The following XKR4 variants were observed in gnomAD, a reference collection of about 807,000 sequenced individuals.
The protein encoded by XKR4 is XK-related protein 4.
Under a neutral mutation model 53.9 loss-of-function variants are expected in XKR4, and 12 were observed. The ratio of observed to expected loss-of-function variants is 0.22; its 90% CI spans 0.14 to 0.36. The LOEUF is 0.36. XKR4 is among the 10% of genes least tolerant of loss of function. The pLI is 1.00. For missense variants in XKR4, 799 were observed against 859.5 expected (o/e 0.93, Z 0.88); for synonymous variants, 354 against 362.4 (o/e 0.98, Z 0.26).
At chr8:55,350,332 C>G (rs540816516) in intron 1 of XKR4, among the ~76,000 whole-genome samples, 1 of 152,300 alleles carries the variant, frequency 6.6e-6, no homozygotes, top group South Asian at 2.1e-4. Flanking sequence ...GGCAGGACTT[C>G]CAGGCTGGTA....
intron 1 of XKR4, among the ~76,000 whole-genome samples, chr8:55,139,855 A>G (rs1049890376): frequency 1.3e-5 from 2 of 152,180 alleles, no homozygotes; most frequent in Admixed American, 1.3e-4. Context: ...CTTAGCTATT[A>G]TTTATCTCAT....
intron 1 of XKR4, among the ~76,000 whole-genome samples, chr8:55,147,452 C>A (rs1816785392): frequency 6.6e-6 from 1 of 152,186 alleles, no homozygotes; most frequent in African/African-American, 2.4e-5. Flanking sequence ...CTAATAACCT[C>A]TTTCAGTAAT....
chr8:55,314,494 G>A lies in XKR4; in HGVS notation c.807-43184G>A, dbSNP rs532168423. Reference sequence around the variant, plus strand: ...CCGACATTCAGCTCCCGGGGAAACCGCCGTGCTGAGACAAACACCTGTGAG... The same window carrying A: ...CCGACATTCAGCTCCCGGGGAAACCACCGTGCTGAGACAAACACCTGTGAG... On this transcript the variant is annotated intron_variant, in intron 1 of 2. Transcript: ENST00000327381. Among the ~76,000 whole-genome samples, 9 of 152,252 alleles carry A rather than the reference G, an allele frequency of 5.9e-5. No homozygotes were observed. The South Asian group carries it at 1.5e-3, about 25-fold the overall frequency.
At chr8:55,420,797 G>GATAAATAA (rs35390370) in intron 2 of XKR4, among the ~76,000 whole-genome samples, 57 of 148,888 alleles carry the variant, frequency 3.8e-4, no homozygotes, top group African/African-American at 1.4e-3. Flanking sequence ...ATAATAAATA[G>GATAAATAA]ATAAATAAAT....
At chr8:55,290,958 G>A (rs920042749) in intron 1 of XKR4, among the ~76,000 whole-genome samples, 3 of 152,030 alleles carry the variant, frequency 2.0e-5, no homozygotes, top group Non-Finnish European at 4.4e-5. Context: ...CTTTGCTCTA[G>A]ATCTCAAAGA....
At chr8:55,154,339 C>T (rs372485594) in intron 1 of XKR4, among the ~76,000 whole-genome samples, 14 of 152,274 alleles carry the variant, frequency 9.2e-5, no homozygotes, top group African/African-American at 3.1e-4. Flanking sequence ...GAAAAAGGCT[C>T]ACATCGTTCT....
intron 1 of XKR4, among the ~76,000 whole-genome samples, chr8:55,246,917 T>G (rs1244910385): frequency 6.6e-6 from 1 of 152,124 alleles, no homozygotes; most frequent in Non-Finnish European, 1.5e-5. Context: ...TCTGGATTTC[T>G]TCGAGGAAAA....
chr8:55,351,231 TA>T (rs1803719077), intron 1 of XKR4, among the ~76,000 whole-genome samples: 2 of 152,186 alleles, frequency 1.3e-5, no homozygotes, highest in Admixed American at 6.5e-5. Context: ...AAATAGCTTT[TA>T]TTTTTTTTTG....
At chr8:55,141,481 C>T (rs1428947343) in intron 1 of XKR4, among the ~76,000 whole-genome samples, 1 of 152,030 alleles carries the variant, frequency 6.6e-6, no homozygotes. Context: ...TTTAGGGTCA[C>T]ACGAGTCAGA....
chr8:55,450,368 G>A (rs780443911), intron 2 of XKR4: 3 of 664,298 alleles, frequency 4.5e-6, no homozygotes, highest in Non-Finnish European at 7.7e-6. Flanking sequence ...TAGGGCCGCA[G>A]GACCTCTGTG....
intron 1 of XKR4, among the ~76,000 whole-genome samples, chr8:55,172,162 G>A (rs1817168425): frequency 6.6e-6 from 1 of 151,124 alleles, no homozygotes; most frequent in Non-Finnish European, 1.5e-5. Flanking sequence ...TGGCTGCAGT[G>A]AGCCAAGATC....
chr8:55,497,995 G>T (rs1039353712), intron 2 of XKR4, among the ~76,000 whole-genome samples: 3 of 152,202 alleles, frequency 2.0e-5, no homozygotes, highest in African/African-American at 7.2e-5. Context: ...CCCACTCCAG[G>T]CTGGCCCCGA....
At chr8:55,253,817 T>C (rs1373005047) in intron 1 of XKR4, among the ~76,000 whole-genome samples, 1 of 147,394 alleles carries the variant, frequency 6.8e-6, no homozygotes, top group Non-Finnish European at 1.5e-5. Context: ...TACTGCAGCC[T>C]CCACCTCCCA....
At chr8:55,395,713 T>C (rs1804507445) in intron 2 of XKR4, among the ~76,000 whole-genome samples, 1 of 151,858 alleles carries the variant, frequency 6.6e-6, no homozygotes, top group Non-Finnish European at 1.5e-5. Flanking sequence ...TTTAGGTAGA[T>C]GGGGCCCATC....
intron 2 of XKR4, among the ~76,000 whole-genome samples, chr8:55,467,212 G>A (rs2975967): frequency 0.27 from 40,518 of 152,000 alleles, 5,973 homozygotes; most frequent in Non-Finnish European, 0.34. Context: ...ATAGGAAAAT[G>A]TGTGTCTCCA....
At chr8:55,128,748 G>T (rs181112634) in intron 1 of XKR4, among the ~76,000 whole-genome samples, 1 of 152,314 alleles carries the variant, frequency 6.6e-6, no homozygotes. Context: ...CAAACAGACA[G>T]ATTCTTGTTT....
At chr8:55,440,859 A>G (rs557690113) in intron 2 of XKR4, among the ~76,000 whole-genome samples, 7 of 152,214 alleles carry the variant, frequency 4.6e-5, no homozygotes, top group African/African-American at 1.4e-4. Flanking sequence ...AAAAGGTAAA[A>G]ATATGATTAA....
rs540466074 is a variant in XKR4, at chr8:55,283,311, G to C, written c.807-74367G>C. 2.0e-5 allele frequency among the ~76,000 whole-genome samples: 3 copies of C among 152,276 alleles called. No homozygotes were observed. The South Asian group carries it at 6.2e-4, about 32-fold the overall frequency. The stretch of plus-strand genomic sequence containing the variant: ...TGGATGACTTGAAGAAGTAGCTATG[G>C]AATAGTGGACATAGACTGAGAAGGC... On this transcript the variant is annotated intron_variant, in intron 1 of 2. Transcript: ENST00000327381.
At chr8:55,109,887 A>G (rs190049337) in intron 1 of XKR4, among the ~76,000 whole-genome samples, 10 of 152,286 alleles carry the variant, frequency 6.6e-5, no homozygotes, top group Admixed American at 4.6e-4. Flanking sequence ...CCAAGCACAC[A>G]ACTTGCTAGT....
Sources: gnomAD v4.1 joint callset for allele counts (sites outside exome capture counted in the v4.1 genomes callset) on GRCh38, gnomAD v4.1.1 for gene constraint, MANE v1.5 for transcripts, NCBI Gene and HGNC (gene_info 2026-07-23, HGNC 2026-07-21) for gene names.